Variants in MYO1E observed in about 807,000 individuals in gnomAD.
The protein encoded by MYO1E is unconventional myosin-Ie.
A neutral mutation model predicts 151.1 loss-of-function variants in MYO1E; 68 were observed. That is an observed-to-expected ratio of 0.45 (90% CI 0.37 to 0.55). The LOEUF (loss-of-function observed/expected upper bound fraction) is 0.55, where lower values mean the gene tolerates loss of function less well. MYO1E is among the 20% of genes least tolerant of loss of function. The probability of loss-of-function intolerance (pLI) is 0.00; values close to 1 mark genes in which losing one functional copy is unlikely to be tolerated. For synonymous variants in MYO1E, 601 were observed against 501.7 expected (o/e 1.20, Z -2.64); for missense variants, 1,363 against 1,389.3 (o/e 0.98, Z 0.30).
chr15:59,139,693 C>T (rs1054195519), intron 26 of MYO1E, among the ~76,000 whole-genome samples: 2 of 150,838 alleles, frequency 1.3e-5, no homozygotes, highest in Admixed American at 6.6e-5. Flanking sequence ...GTCCCTCCTA[C>T]CCCTCATTAT....
intron 26 of MYO1E, among the ~76,000 whole-genome samples, chr15:59,144,299 T>A (rs1354656503): frequency 6.6e-6 from 1 of 152,092 alleles, no homozygotes; most frequent in East Asian, 1.9e-4. Context: ...CCCAAGTAGC[T>A]GGGATTACAG....
intron 1 of MYO1E, among the ~76,000 whole-genome samples, chr15:59,305,942 G>A (rs11857938): frequency 3.9e-5 from 6 of 152,096 alleles, no homozygotes; most frequent in Non-Finnish European, 7.4e-5. Context: ...GGCAGAGCAG[G>A]AAAACCAGAC....
At chr15:59,287,272 T>C (rs1876831470) in intron 1 of MYO1E, among the ~76,000 whole-genome samples, 2 of 152,158 alleles carry the variant, frequency 1.3e-5, no homozygotes, top group African/African-American at 2.4e-5. Context: ...CACACCCAAA[T>C]CGCAAGCCCA....
intron 2 of MYO1E, among the ~76,000 whole-genome samples, chr15:59,268,728 T>TTTTTTTTTTTTTTTTTTTTTG: frequency 7.5e-6 from 1 of 133,380 alleles, no homozygotes; most frequent in Non-Finnish European, 1.6e-5. Context: ...GTATTTTTTT[T>TTTTTTTTTTTTTTTTTTTTTG]TTTTTTTTTT....
chr15:59,178,092 TC>T (rs1394303365), intron 19 of MYO1E, among the ~76,000 whole-genome samples: 3 of 152,216 alleles, frequency 2.0e-5, no homozygotes, highest in African/African-American at 7.2e-5. Flanking sequence ...GTCCCTGCCC[TC>T]CAGGAGTGTA....
At chr15:59,242,990 T>G (rs1413954099) in intron 4 of MYO1E, among the ~76,000 whole-genome samples, 1 of 151,910 alleles carries the variant, frequency 6.6e-6, no homozygotes, top group African/African-American at 2.4e-5. Context: ...AGCAGGAAGA[T>G]GCATGTGGCT....
chr15:59,347,030 G>A (rs535701740), intron 1 of MYO1E, among the ~76,000 whole-genome samples: 35 of 152,294 alleles, frequency 2.3e-4, no homozygotes, highest in Non-Finnish European at 4.6e-4. Context: ...GTGGGTATAA[G>A]GCATCAGTTA....
At chr15:59,305,597 G>A (rs2080510179) in intron 1 of MYO1E, among the ~76,000 whole-genome samples, 1 of 152,100 alleles carries the variant, frequency 6.6e-6, no homozygotes, top group Admixed American at 6.6e-5. Flanking sequence ...TAAACCCTGA[G>A]TCACAACTTT....
At chr15:59,266,148 C>G (rs1387588668) in intron 2 of MYO1E, among the ~76,000 whole-genome samples, 1 of 152,140 alleles carries the variant, frequency 6.6e-6, no homozygotes. Context: ...GAGACCTTAG[C>G]TATTTTCCGG....
chr15:59,176,838 G>A (rs564084816), intron 19 of MYO1E, among the ~76,000 whole-genome samples: 11 of 152,150 alleles, frequency 7.2e-5, no homozygotes, highest in Non-Finnish European at 1.0e-4. Flanking sequence ...AGGGGAGAGA[G>A]CGGAGGTGAT....
chr15:59,332,621 G>T (rs1191421387), intron 1 of MYO1E, among the ~76,000 whole-genome samples: 1 of 152,130 alleles, frequency 6.6e-6, no homozygotes, highest in Non-Finnish European at 1.5e-5. Context: ...TGATGCTACA[G>T]CCACATAAAC....
At chr15:59,161,654 T>C (rs755859123) in intron 23 of MYO1E, among the ~76,000 whole-genome samples, 1 of 152,182 alleles carries the variant, frequency 6.6e-6, no homozygotes, top group Non-Finnish European at 1.5e-5. Flanking sequence ...CAGGCCAGCT[T>C]GAGGACTCTA....
chr15:59,216,677 T>TACAC (rs1273757182), intron 10 of MYO1E, among the ~76,000 whole-genome samples: 7 of 30,178 alleles, frequency 2.3e-4, no homozygotes, highest in Non-Finnish European at 7.0e-5. Context: ...TATATATATA[T>TACAC]ATATATATAC....
chr15:59,153,876 C>A (rs954390246), intron 25 of MYO1E, 85 bp from the exon 26 acceptor site: 1 of 1,288,640 alleles, frequency 7.8e-7, no homozygotes, highest in East Asian at 2.3e-5. Flanking sequence ...CCATGTACTA[C>A]AAGGGCAGCT....
chr15:59,330,920 C>A (rs1354203271), intron 1 of MYO1E, among the ~76,000 whole-genome samples: 3 of 152,154 alleles, frequency 2.0e-5, no homozygotes, highest in African/African-American at 7.2e-5. Context: ...CAGGCATGCA[C>A]CATCACGCCC....
intron 4 of MYO1E, among the ~76,000 whole-genome samples, chr15:59,244,717 T>A (rs1368757210): frequency 6.6e-6 from 1 of 152,188 alleles, no homozygotes; most frequent in East Asian, 1.9e-4. Context: ...ATTTTAACAG[T>A]TTCATTACCT....
chr15:59,140,059 TTC>T (rs1202959583), intron 26 of MYO1E, among the ~76,000 whole-genome samples: 3 of 136,284 alleles, frequency 2.2e-5, no homozygotes, highest in African/African-American at 9.1e-5. Flanking sequence ...CGGCTGGGAA[TTC>T]TCTGTTGTGT....
At chr15:59,295,443 A>G (rs1384803925) in intron 1 of MYO1E, among the ~76,000 whole-genome samples, 1 of 152,206 alleles carries the variant, frequency 6.6e-6, no homozygotes, top group Non-Finnish European at 1.5e-5. Context: ...AGCTGACCGA[A>G]GGAGGGCCAG....
chr15:59,299,586 A>G (rs766742942), intron 1 of MYO1E, among the ~76,000 whole-genome samples: 3 of 152,252 alleles, frequency 2.0e-5, no homozygotes, highest in Admixed American at 6.5e-5. Context: ...CTTTGTTGCC[A>G]TAAGATTCAA....
Sources: allele counts gnomAD v4.1 joint callset (sites outside exome capture counted in the v4.1 genomes callset), GRCh38; gene constraint gnomAD v4.1.1; transcripts MANE v1.5; gene names NCBI Gene and HGNC (gene_info 2026-07-23, HGNC 2026-07-21).